The following PCDH15 variants were observed in gnomAD, a reference collection of about 807,000 sequenced individuals.
PCDH15 encodes protocadherin related 15.
Under a neutral mutation model 178.5 loss-of-function variants are expected in PCDH15, and 129 were observed. The ratio of observed to expected loss-of-function variants is 0.72; its 90% CI spans 0.63 to 0.84. The LOEUF (loss-of-function observed/expected upper bound fraction) is 0.84, where lower values mean the gene tolerates loss of function less well. Ranked by LOEUF, PCDH15 falls within the 40% of genes least tolerant of loss-of-function variation. The pLI is 0.00. For missense variants in PCDH15, 2,230 were observed against 2,099.9 expected (o/e 1.06, Z -1.21); for synonymous variants, 800 against 732.0 (o/e 1.09, Z -1.50).
chr10:55,163,950 C>G (rs1839127573), intron 2 of PCDH15, among the ~76,000 whole-genome samples: 1 of 152,156 alleles, frequency 6.6e-6, no homozygotes, highest in African/African-American at 2.4e-5. Context: ...TATGGAGTAG[C>G]AATTCTTTAT....
chr10:55,456,771 T>A (rs1839563235), intron 2 of PCDH15, among the ~76,000 whole-genome samples: 2 of 151,980 alleles, frequency 1.3e-5, no homozygotes, highest in South Asian at 2.1e-4. Flanking sequence ...GAAAAAAAAA[T>A]TGCTCTAAAT....
intron 2 of PCDH15, among the ~76,000 whole-genome samples, chr10:55,063,689 C>T (rs1841496567): frequency 6.6e-6 from 1 of 152,132 alleles, no homozygotes; most frequent in Non-Finnish European, 1.5e-5. Flanking sequence ...TACGCATAAA[C>T]ATTATAAATC....
At chr10:55,029,413 G>A (rs766550905) in intron 2 of PCDH15, among the ~76,000 whole-genome samples, 1 of 152,010 alleles carries the variant, frequency 6.6e-6, no homozygotes, top group Admixed American at 6.6e-5. Context: ...TGACAATCAG[G>A]TTTAAATAAA....
At chr10:54,065,220 C>T (rs2094114386) in intron 18 of PCDH15, among the ~76,000 whole-genome samples, 1 of 152,172 alleles carries the variant, frequency 6.6e-6, no homozygotes, top group African/African-American at 2.4e-5. Context: ...GTTCCATAAC[C>T]TCTCAGGAAC....
chr10:54,348,169 A>C (rs2134203839), intron 5 of PCDH15, among the ~76,000 whole-genome samples: 1 of 152,286 alleles, frequency 6.6e-6, no homozygotes, highest in African/African-American at 2.4e-5. Flanking sequence ...TTTAAACATT[A>C]AAATATAAAT....
intron 3 of PCDH15, among the ~76,000 whole-genome samples, chr10:54,438,316 T>C (rs997976457): frequency 1.3e-5 from 2 of 149,902 alleles, no homozygotes; most frequent in Non-Finnish European, 3.0e-5. Context: ...TTATTTCTAT[T>C]GAGAGGCAGG....
chr10:54,812,772 T>G (rs1952886652), intron 3 of PCDH15, among the ~76,000 whole-genome samples: 1 of 152,230 alleles, frequency 6.6e-6, no homozygotes, highest in African/African-American at 2.4e-5. Flanking sequence ...AAAATATTAT[T>G]ATTTTTCGTA....
chr10:53,933,502 C>T (rs946634098), intron 25 of PCDH15, among the ~76,000 whole-genome samples: 3 of 152,132 alleles, frequency 2.0e-5, no homozygotes, highest in Admixed American at 6.5e-5. Flanking sequence ...AGGACATGAA[C>T]TCATCCTTTT....
At chr10:55,022,145 G>A (rs563696039) in intron 2 of PCDH15, among the ~76,000 whole-genome samples, 1 of 152,064 alleles carries the variant, frequency 6.6e-6, no homozygotes, top group East Asian at 1.9e-4. Context: ...AATTAATAAT[G>A]ATATATCGTA....
chr10:54,932,001 C>A (rs1341064603), intron 2 of PCDH15, among the ~76,000 whole-genome samples: 1 of 152,160 alleles, frequency 6.6e-6, no homozygotes, highest in East Asian at 1.9e-4. Flanking sequence ...TGCCTCTTAA[C>A]AACGTTTTGG....
rs1840310721 is a variant in PCDH15, at chr10:55,020,886, A to G, written c.-79-123386T>C. On this transcript the variant is annotated intron_variant, in intron 2 of 5. Transcript: ENST00000458638. ...CTCTCTGCCCACCTCCCACAAATGC[A>G]TATCTGACTGTACCCCTTGCCCTAT... 2.6e-5 allele frequency among the ~76,000 whole-genome samples: 4 copies of G among 152,162 alleles called. No individual in the cohort carries two copies. The South Asian group carries it at 8.3e-4, about 32-fold the overall frequency.
intron 2 of PCDH15, among the ~76,000 whole-genome samples, chr10:54,654,313 A>C (rs1469291697): frequency 6.6e-6 from 1 of 151,672 alleles, no homozygotes; most frequent in Admixed American, 6.8e-5. Flanking sequence ...ATGGAAAAAT[A>C]AATGAGAGTG....
At chr10:54,341,034 A>G (rs555675084) in intron 6 of PCDH15, among the ~76,000 whole-genome samples, 4 of 152,038 alleles carry the variant, frequency 2.6e-5, no homozygotes, top group Non-Finnish European at 4.4e-5. Context: ...TTTTCTATCT[A>G]TTGGGAGACT....
At chr10:53,830,695 G>A (rs1387435244) in intron 30 of PCDH15, among the ~76,000 whole-genome samples, 1 of 152,156 alleles carries the variant, frequency 6.6e-6, no homozygotes, top group Non-Finnish European at 1.5e-5. Context: ...TATTGTCAAT[G>A]GATGCACTTG....
In PCDH15 at chr10:55,419,980, G is replaced by T. The variant is rs142530889; in HGVS notation, c.-156+207645C>A. On this transcript the variant is annotated intron_variant, in intron 2 of 5. Coordinates refer to the PCDH15 transcript ENST00000613346. ...ATGGCTCATTAGCGAAAATTAATTT[G>T]CATTTAATAAGTTCAGCAAACATTT... 2.6e-3 allele frequency among the ~76,000 whole-genome samples: 396 copies of T among 151,706 alleles called. 2 individuals carry two copies. Among genetic ancestry groups the T allele is most frequent in the African/African-American group, 9.2e-3 (380 of 41,446 alleles).
At chr10:55,520,455 CAATT>C (rs565019674) in intron 2 of PCDH15, among the ~76,000 whole-genome samples, 83 of 146,202 alleles carry the variant, frequency 5.7e-4, no homozygotes, top group African/African-American at 2.0e-3. Context: ...GACTAGGAAG[CAATT>C]AATTTACCGA....
intron 2 of PCDH15, among the ~76,000 whole-genome samples, chr10:55,045,884 C>A (rs910181886): frequency 6.6e-6 from 1 of 151,830 alleles, no homozygotes; most frequent in Non-Finnish European, 1.5e-5. Flanking sequence ...GTCCTTTTTC[C>A]CCGACTTTTC....
intron 2 of PCDH15, among the ~76,000 whole-genome samples, chr10:54,934,875 C>G (rs546451795): frequency 6.6e-6 from 1 of 151,836 alleles, no homozygotes; most frequent in East Asian, 1.9e-4. Flanking sequence ...GTGGCACATA[C>G]ACACCATGGA....
chr10:54,960,111 A>C (rs898851212), intron 2 of PCDH15, among the ~76,000 whole-genome samples: 2 of 152,088 alleles, frequency 1.3e-5, no homozygotes, highest in Non-Finnish European at 2.9e-5. Context: ...TTATTCTTGT[A>C]TTTAATAGAA....
Sources: allele counts gnomAD v4.1 joint callset (sites outside exome capture counted in the v4.1 genomes callset), GRCh38; gene constraint gnomAD v4.1.1; transcripts MANE v1.5; gene names NCBI Gene and HGNC (gene_info 2026-07-23, HGNC 2026-07-21).